The following ANKS4B variants were observed in gnomAD, a reference collection of about 807,000 sequenced individuals.
The protein encoded by ANKS4B is ankyrin repeat and sterile alpha motif domain containing 4B.
A neutral mutation model predicts 20.2 loss-of-function variants in ANKS4B; 21 were observed. The ratio of observed to expected loss-of-function variants is 1.04; its 90% CI spans 0.74 to 1.50. The LOEUF is 1.50. Among genes scored for constraint, ANKS4B ranks in the 40% most tolerant of loss-of-function variants. ANKS4B has a pLI of 0.00. For missense variants in ANKS4B, 473 were observed against 494.6 expected (o/e 0.96, Z 0.41); for synonymous variants, 179 against 194.5 (o/e 0.92, Z 0.66).
At position 21,250,546 on chromosome 16, in the gene ANKS4B, A is replaced by G; in HGVS notation, c.980A>G (p.Asp327Gly). 1 of 1,614,208 alleles carries G rather than the reference A, an allele frequency of 6.2e-7. No individual in the cohort carries two copies. Among genetic ancestry groups the G allele is most frequent in the Non-Finnish European group, 8.5e-7 (1 of 1,180,030 alleles). The change falls in exon 2 of 2, where the codon GAT becomes GGT. Residue 327 changes from aspartate (D) to glycine (G), a missense_variant. By Grantham distance (94) the Asp-to-Gly change is moderately conservative. Transcript: ENST00000311620. ...GAGGGAGAGGAAAACGGCCTCAAAG[A>G]TGATCTGCCGTGGGATGACGATGAA... The part of the protein sequence containing the change: ...DEEGEENGLK[D>G]DLPWDDDEVE...
intron 1 of ANKS4B, among the ~76,000 whole-genome samples, chr16:21,248,195 A>T (rs937634860): frequency 7.9e-5 from 12 of 151,886 alleles, no homozygotes; most frequent in Non-Finnish European, 1.5e-4. Flanking sequence ...TTTTATTTTA[A>T]AAAAAAATTT....
In ANKS4B at chr16:21,233,821, G is replaced by T. The variant is rs376343890; in HGVS notation, c.84G>T (p.Ser28=). The change falls in exon 1 of 2, where the codon TCG becomes TCT. Residue 28 remains serine, a synonymous_variant. Coordinates refer to ENST00000311620, the MANE Select transcript of ANKS4B (RefSeq NM_145865.3). ...CTACCAAGCGAGATCTAAATCTTTC[G>T]GATGAAGACGGCATGACTCCTACTC... ...KEATKRDLNL[S]DEDGMTPTLL... is the part of the protein sequence containing the mutation. 6.2e-7 allele frequency: 1 copy of T among 1,613,890 alleles called. No individual in the cohort carries two copies. The highest frequency in any genetic ancestry group is 1.3e-5 in the African/African-American group (1 of 75,006).
chr16:21,237,178 G>A (rs2093321239), intron 1 of ANKS4B, among the ~76,000 whole-genome samples: 1 of 151,976 alleles, frequency 6.6e-6, no homozygotes, highest in Non-Finnish European at 1.5e-5. Flanking sequence ...GCACTACCAC[G>A]CCGGGCTAAT....
chr16:21,250,027 A>T lies in ANKS4B; in HGVS notation c.461A>T (p.Gln154Leu), dbSNP rs890503452. 2 of 1,614,074 alleles carry T rather than the reference A, an allele frequency of 1.2e-6. No homozygotes were observed. The highest frequency in any genetic ancestry group is 2.7e-5 in the African/African-American group (2 of 74,924). ...RRQIKECERL[Q>L]EKHQNKMAHT... ...CAGATCAAAGAGTGTGAGAGGCTCC[A>T]GGAGAAGCACCAAAATAAGATGGCC... is the stretch of plus-strand genomic sequence containing the variant. Residue 154 changes from glutamine to leucine, a missense_variant, in exon 2 of 2, where the codon CAG becomes CTG. Physicochemically the swap from Gln to Leu is moderately radical, Grantham distance 113. Transcript: ENST00000311620.
intron 1 of ANKS4B, among the ~76,000 whole-genome samples, chr16:21,238,480 AATATAT>A (rs57815936): frequency 6.6e-6 from 1 of 150,482 alleles, no homozygotes; most frequent in African/African-American, 2.4e-5. Context: ...TGTAAACATA[AATATAT>A]ATATATATAT....
Position 21,253,022 on chromosome 16 carries a change from C to CAAAAAAAAAAAAA in ANKS4B, c.*2211_*2223dup, listed in dbSNP as rs938970076. On this transcript the variant is annotated 3_prime_UTR_variant, in exon 2 of 2. Coordinates refer to ENST00000311620, the MANE Select transcript of ANKS4B (RefSeq NM_145865.3). ...CCAGGCGGTAAGAGAGACTCCATCT[C>CAAAAAAAAAAAAA]AAAAAAAAAAAAAAAAAAAAAGAAA... The CAAAAAAAAAAAAA allele has an allele frequency of 9.1e-5, 6 of 65,764 alleles. No homozygotes were observed. Among genetic ancestry groups the CAAAAAAAAAAAAA allele is most frequent in the Admixed American group, 3.3e-4 (2 of 6,044 alleles). The allele number at this position is 65,764 out of a possible 1,614,324, so 4.1% of individuals were successfully genotyped here. A position where few individuals can be genotyped will look rare whatever the true frequency, so the allele number is the denominator to read the frequency against.
At chr16:21,247,683 A>C (rs2093334072) in intron 1 of ANKS4B, among the ~76,000 whole-genome samples, 1 of 152,242 alleles carries the variant, frequency 6.6e-6, no homozygotes, top group Admixed American at 6.5e-5. Context: ...ATCATTAAAA[A>C]TAGTTACTCG....
rs180831720 is a variant in ANKS4B, at chr16:21,252,937, T to C, written c.*2117T>C. Reference sequence around the variant, plus strand: ...TACTTGGGAGGCTGAGGCAAGAGAATTGCTTGAACCCAAAAGGTGGAGGTT... The same window carrying C: ...TACTTGGGAGGCTGAGGCAAGAGAACTGCTTGAACCCAAAAGGTGGAGGTT... On this transcript the variant is annotated 3_prime_UTR_variant, in exon 2 of 2. Transcript: ENST00000311620. 2.7e-5 allele frequency: 4 copies of C among 150,878 alleles called. No individual in the cohort carries two copies. In the East Asian group the frequency reaches 7.8e-4, roughly 30 times the overall value. 9.3% of individuals were successfully genotyped at this position (150,878 alleles called of 1,614,324 possible).
intron 1 of ANKS4B, among the ~76,000 whole-genome samples, chr16:21,234,483 TAC>T (rs34242527): frequency 0.053 from 6,575 of 124,516 alleles, 159 homozygotes; most frequent in African/African-American, 0.073. Flanking sequence ...AGTGGATAGA[TAC>T]ACACACACAC....
rs2093341880 is a variant in ANKS4B, at chr16:21,253,382, G to A, written c.*2562G>A. The A allele has an allele frequency of 6.6e-6, 1 of 152,148 alleles. No homozygotes were observed. The highest frequency in any genetic ancestry group is 1.5e-5 in the Non-Finnish European group (1 of 68,020). The allele number at this position is 152,148 out of a possible 1,614,324, so 9.4% of individuals were successfully genotyped here. On this transcript the variant is annotated 3_prime_UTR_variant, in exon 2 of 2. Coordinates refer to ENST00000311620, the MANE Select transcript of ANKS4B (RefSeq NM_145865.3). The stretch of plus-strand genomic sequence containing the variant: ...CATTGAATAAACACGTTGCATTAGG[G>A]GATGATTGTTTACAAATACCTTATC...
In ANKS4B at chr16:21,251,938, T is replaced by G. The variant is rs1395162439; in HGVS notation, c.*1118T>G. Reference sequence around the variant, plus strand: ...ACTGGTGTCCTTTTTTTCCCTTTTTTTTTTTTTTTTTGAGATGGAGCCTTG... The same window carrying G: ...ACTGGTGTCCTTTTTTTCCCTTTTTGTTTTTTTTTTTGAGATGGAGCCTTG... On this transcript the variant is annotated 3_prime_UTR_variant, in exon 2 of 2. Coordinates refer to ENST00000311620, the MANE Select transcript of ANKS4B (RefSeq NM_145865.3). The G allele has an allele frequency of 6.6e-6, 1 of 150,866 alleles. No individual in the cohort carries two copies. The highest frequency in any genetic ancestry group is 6.6e-5 in the Admixed American group (1 of 15,184). 9.3% of individuals were successfully genotyped at this position (150,866 alleles called of 1,614,324 possible). A position where few individuals can be genotyped will look rare whatever the true frequency, so the allele number is the denominator to read the frequency against.
At chr16:21,247,867 C>A (rs2093334236) in intron 1 of ANKS4B, among the ~76,000 whole-genome samples, 1 of 152,172 alleles carries the variant, frequency 6.6e-6, no homozygotes, top group Admixed American at 6.5e-5. Context: ...AATAGTATCC[C>A]CAATTCCACC....
At chr16:21,244,528 C>G (rs114333817) in intron 1 of ANKS4B, among the ~76,000 whole-genome samples, 32,062 of 152,072 alleles carry the variant, frequency 0.21, 3,496 homozygotes, top group Middle Eastern at 0.3. Flanking sequence ...CCCCCTGCAG[C>G]TCACTCCTCC....
At position 21,252,316 on chromosome 16, in the gene ANKS4B, G is replaced by GC. The variant is rs932843776; in HGVS notation, c.*1498dup. 1 of 152,288 alleles carries GC rather than the reference G, an allele frequency of 6.6e-6. No individual in the cohort carries two copies. Among genetic ancestry groups the GC allele is most frequent in the Non-Finnish European group, 1.5e-5 (1 of 68,086 alleles). The allele number at this position is 152,288 out of a possible 1,614,324, so 9.4% of individuals were successfully genotyped here. ...CACGTGAGGACACAGTGAGAAGGTGGCCGTCTGCAAGCCGAGGAGGGGGCC... is the reference window on the plus strand; with the variant it reads ...CACGTGAGGACACAGTGAGAAGGTGGCCCGTCTGCAAGCCGAGGAGGGGGCC... On this transcript the variant is annotated 3_prime_UTR_variant, in exon 2 of 2. Coordinates refer to ENST00000311620, the MANE Select transcript of ANKS4B (RefSeq NM_145865.3).
At chr16:21,234,522 C>CACACA (rs1380262253) in intron 1 of ANKS4B, among the ~76,000 whole-genome samples, 26 of 121,360 alleles carry the variant, frequency 2.1e-4, no homozygotes, top group African/African-American at 6.1e-4. Flanking sequence ...ACACACACAC[C>CACACA]CCATCTCTTT....
rs1293274531 is a variant in ANKS4B at position 21,250,146 on chromosome 16, T to C, written c.580T>C (p.Phe194Leu). ...SPSNASAPGT[F>L]GSLSKGIKDT... Reference sequence around the variant, plus strand: ...TTCAAATGCTTCTGCTCCTGGCACATTCGGGTCACTATCTAAGGGCATTAA... The same window carrying C: ...TTCAAATGCTTCTGCTCCTGGCACACTCGGGTCACTATCTAAGGGCATTAA... Residue 194 changes from phenylalanine to leucine, a missense_variant, in exon 2 of 2, where the codon TTC becomes CTC. By Grantham distance (22) the Phe-to-Leu change is conservative. Coordinates refer to ENST00000311620, the MANE Select transcript of ANKS4B (RefSeq NM_145865.3). 1.2e-6 allele frequency: 2 copies of C among 1,614,146 alleles called. No individual in the cohort carries two copies. Among genetic ancestry groups the C allele is most frequent in the Non-Finnish European group, 1.7e-6 (2 of 1,180,018 alleles).
At chr16:21,234,091 A>G (rs902132236) in intron 1 of ANKS4B, among the ~76,000 whole-genome samples, 190 bp downstream of exon 1, 8 of 152,338 alleles carry the variant, frequency 5.3e-5, no homozygotes, top group East Asian at 1.9e-4. Context: ...GACTGGCACT[A>G]TAGGAGTGGC....
At position 21,249,935 on chromosome 16, in the gene ANKS4B, A is replaced by C; in HGVS notation, c.369A>C (p.Ala123=). The change falls in exon 2 of 2, where the codon GCA becomes GCC. Residue 123 remains alanine, a synonymous_variant. Transcript: ENST00000311620. ...CTCTCCTGGACAAGGCTGCCACTGCACAGAACATCATGAACCCCAAGAAGG... is the reference window on the plus strand; with the variant it reads ...CTCTCCTGGACAAGGCTGCCACTGCCCAGAACATCATGAACCCCAAGAAGG... ...CVALLDKAAT[A]QNIMNPKKVT... is the part of the protein sequence containing the mutation. 1 of 1,614,196 alleles carries C rather than the reference A, an allele frequency of 6.2e-7. No homozygotes were observed. The highest frequency in any genetic ancestry group is 2.2e-5 in the East Asian group (1 of 44,866).
In ANKS4B at chr16:21,249,993, G is replaced by T. The variant is rs372967930; in HGVS notation, c.427G>T (p.Ala143Ser). ...TRLKEQAQKNARRQIKECERL... is the reference protein window; with the variant it reads ...TRLKEQAQKNSRRQIKECERL... ...GCTGAAGGAGCAGGCTCAGAAGAAT[G>T]CCAGGAGGCAGATCAAAGAGTGTGA... is the stretch of plus-strand genomic sequence containing the variant. The change falls in exon 2 of 2, where the codon GCC becomes TCC. Residue 143 changes from alanine to serine, a missense_variant. Coordinates refer to ENST00000311620, the MANE Select transcript of ANKS4B (RefSeq NM_145865.3). 1 of 1,614,204 alleles carries T rather than the reference G, an allele frequency of 6.2e-7. No individual in the cohort carries two copies. The highest frequency in any genetic ancestry group is 2.2e-5 in the East Asian group (1 of 44,874).
Sources: gnomAD v4.1 joint callset for allele counts (sites outside exome capture counted in the v4.1 genomes callset) on GRCh38, gnomAD v4.1.1 for gene constraint, MANE v1.5 for transcripts, NCBI Gene and HGNC (gene_info 2026-07-23, HGNC 2026-07-21) for gene names.